MUSK: variants seen among roughly 807,000 people sequenced by gnomAD.
The protein encoded by MUSK is muscle associated receptor tyrosine kinase.
Under a neutral mutation model 88.7 loss-of-function variants are expected in MUSK, and 55 were observed. The ratio of observed to expected loss-of-function variants is 0.62; its 90% CI spans 0.50 to 0.78. The LOEUF (loss-of-function observed/expected upper bound fraction) is 0.78. Ranked by LOEUF, MUSK falls within the 30% of genes least tolerant of loss-of-function variation. The probability of loss-of-function intolerance (pLI) is 0.00; values close to 1 mark genes in which losing one functional copy is unlikely to be tolerated. For synonymous variants in MUSK, 387 were observed against 391.9 expected (o/e 0.99, Z 0.15); for missense variants, 1,015 against 1,074.3 (o/e 0.94, Z 0.77).
At chr9:110,744,726 C>G (rs1425636483) in intron 6 of MUSK, among the ~76,000 whole-genome samples, 1 of 152,142 alleles carries the variant, frequency 6.6e-6, no homozygotes, top group Non-Finnish European at 1.5e-5. Context: ...CTTAGAAAGA[C>G]AGAACATCAC....
intron 9 of MUSK, among the ~76,000 whole-genome samples, chr9:110,774,587 G>A (rs2077636521): frequency 6.6e-6 from 1 of 152,024 alleles, no homozygotes; most frequent in Non-Finnish European, 1.5e-5. Flanking sequence ...GCAAAAAAAT[G>A]TGCTTATACA....
At chr9:110,760,865 T>G (rs1044277958) in intron 7 of MUSK, among the ~76,000 whole-genome samples, 5 of 152,166 alleles carry the variant, frequency 3.3e-5, no homozygotes, top group African/African-American at 9.7e-5. Flanking sequence ...ACAAGCTCAT[T>G]GTATTTTAAG....
intron 5 of MUSK, among the ~76,000 whole-genome samples, chr9:110,719,620 T>C (rs959925354): frequency 1.3e-5 from 2 of 152,044 alleles, no homozygotes; most frequent in Admixed American, 6.6e-5. Flanking sequence ...AAAAATAAGA[T>C]AGATGGCAAC....
intron 6 of MUSK, among the ~76,000 whole-genome samples, chr9:110,744,105 C>T (rs1256304841): frequency 6.6e-6 from 1 of 152,064 alleles, no homozygotes; most frequent in Admixed American, 6.6e-5. Context: ...GTAGCTGGGA[C>T]TACAGGTGGG....
At chr9:110,728,808 G>A (rs2076923535) in intron 5 of MUSK, 1 of 1,019,062 alleles carries the variant, frequency 9.8e-7, no homozygotes, top group Non-Finnish European at 1.4e-6. Flanking sequence ...AGCTCTAAGT[G>A]CCATTTTTAA....
chr9:110,774,185 G>C (rs1199720281), intron 9 of MUSK, among the ~76,000 whole-genome samples: 1 of 151,944 alleles, frequency 6.6e-6, no homozygotes, highest in African/African-American at 2.4e-5. Context: ...CATTCAGTTA[G>C]GTCCTTTCTT....
intron 14 of MUSK, among the ~76,000 whole-genome samples, chr9:110,789,743 C>T (rs1335493339): frequency 6.6e-6 from 1 of 151,948 alleles, no homozygotes; most frequent in African/African-American, 2.4e-5. Flanking sequence ...TGTGCCATTG[C>T]ACTCCAGCCT....
intron 5 of MUSK, among the ~76,000 whole-genome samples, chr9:110,721,493 G>C (rs1221681869): frequency 6.6e-6 from 1 of 151,962 alleles, no homozygotes; most frequent in Non-Finnish European, 1.5e-5. Flanking sequence ...TTTTACAATA[G>C]CTACAAAAAT....
At chr9:110,757,943 G>T (rs1342070494) in intron 7 of MUSK, among the ~76,000 whole-genome samples, 3 of 152,108 alleles carry the variant, frequency 2.0e-5, no homozygotes, top group African/African-American at 7.2e-5. Context: ...TATTTATCAA[G>T]AGATGTAATT....
intron 7 of MUSK, among the ~76,000 whole-genome samples, chr9:110,756,757 T>G (rs2077330250): frequency 6.6e-6 from 1 of 152,156 alleles, no homozygotes; most frequent in Non-Finnish European, 1.5e-5. Flanking sequence ...CCAAAGCTAT[T>G]TGTCTGGTTA....
intron 7 of MUSK, among the ~76,000 whole-genome samples, chr9:110,749,054 T>C (rs956093351): frequency 7.2e-5 from 11 of 152,028 alleles, no homozygotes; most frequent in Admixed American, 6.6e-4. Context: ...TAATAAGTAA[T>C]AGTATAATCA....
intron 7 of MUSK, among the ~76,000 whole-genome samples, chr9:110,758,931 C>T (rs10980557): frequency 0.42 from 63,225 of 151,980 alleles, 13,613 homozygotes; most frequent in Middle Eastern, 0.48. Context: ...TTCAATGCTA[C>T]TGCTATCAAA....
chr9:110,704,079 G>T (rs183506180), intron 5 of MUSK, among the ~76,000 whole-genome samples: 1 of 152,114 alleles, frequency 6.6e-6, no homozygotes, highest in Non-Finnish European at 1.5e-5. Flanking sequence ...TGGTATAGCC[G>T]CATGAAGGTT....
chr9:110,703,458 A>G (rs1410006777), intron 5 of MUSK, among the ~76,000 whole-genome samples: 1 of 152,042 alleles, frequency 6.6e-6, no homozygotes, highest in Non-Finnish European at 1.5e-5. Flanking sequence ...TAAACCCAGG[A>G]GGCAGAGGTT....
At chr9:110,738,803 C>T (rs1441349942) in intron 6 of MUSK, among the ~76,000 whole-genome samples, 1 of 152,146 alleles carries the variant, frequency 6.6e-6, no homozygotes, top group Non-Finnish European at 1.5e-5. Context: ...GACTCTTACC[C>T]TCATAGACCT....
At chr9:110,730,397 C>T (rs1415187646) in intron 5 of MUSK, among the ~76,000 whole-genome samples, 1 of 151,974 alleles carries the variant, frequency 6.6e-6, no homozygotes, top group African/African-American at 2.4e-5. Context: ...ATTTAATGTT[C>T]CTTCTATTAA....
At chr9:110,687,535 A>G (rs533124298) in intron 3 of MUSK, among the ~76,000 whole-genome samples, 2 of 152,106 alleles carry the variant, frequency 1.3e-5, no homozygotes, top group East Asian at 1.9e-4. Context: ...GGGTTTCACT[A>G]TGTTGGACAG....
chr9:110,694,826 T>C (rs921533025), intron 3 of MUSK, among the ~76,000 whole-genome samples: 8 of 152,176 alleles, frequency 5.3e-5, no homozygotes, highest in Non-Finnish European at 1.0e-4. Flanking sequence ...GTTTGAACAG[T>C]AAATTACATG....
chr9:110,743,842 G>A (rs2077134205), intron 6 of MUSK, among the ~76,000 whole-genome samples: 1 of 152,086 alleles, frequency 6.6e-6, no homozygotes, highest in Admixed American at 6.5e-5. Context: ...ATTAATATTT[G>A]TGGCTACATT....
Sources: gnomAD v4.1 joint callset for allele counts (sites outside exome capture counted in the v4.1 genomes callset) on GRCh38, gnomAD v4.1.1 for gene constraint, MANE v1.5 for transcripts, NCBI Gene and HGNC (gene_info 2026-07-23, HGNC 2026-07-21) for gene names.